The following LUZP2 variants were observed in gnomAD, a reference collection of about 807,000 sequenced individuals.
The protein encoded by LUZP2 is leucine zipper protein 2.
LUZP2 carries 52 observed loss-of-function variants against 51.6 expected under a neutral mutation model. The ratio of observed to expected loss-of-function variants is 1.01; its 90% confidence interval spans 0.81 to 1.27. The LOEUF (loss-of-function observed/expected upper bound fraction) is 1.27. LUZP2 is among the 50% of genes most tolerant of loss of function. The pLI, the probability that LUZP2 is intolerant of heterozygous loss-of-function variation, is 0.00. For missense variants in LUZP2, 436 were observed against 395.4 expected (o/e 1.10, Z -0.87); for synonymous variants, 154 against 137.3 (o/e 1.12, Z -0.85).
At chr11:24,773,407 C>G (rs888027250) in intron 5 of LUZP2, among the ~76,000 whole-genome samples, 10 of 151,966 alleles carry the variant, frequency 6.6e-5, no homozygotes, top group African/African-American at 2.4e-4. Flanking sequence ...GAATAGCAAA[C>G]GTTAAGTAGC....
At chr11:24,791,163 A>G (rs1010109992) in intron 5 of LUZP2, among the ~76,000 whole-genome samples, 2 of 152,002 alleles carry the variant, frequency 1.3e-5, no homozygotes, top group African/African-American at 4.8e-5. Flanking sequence ...TTTTTCTCAT[A>G]CCCCACGTTT....
At chr11:24,746,860 G>A (rs1284499370) in intron 4 of LUZP2, among the ~76,000 whole-genome samples, 3 of 152,108 alleles carry the variant, frequency 2.0e-5, no homozygotes, top group Non-Finnish European at 4.4e-5. Flanking sequence ...ACTTTCCAGA[G>A]CATTTGCATT....
intron 1 of LUZP2, among the ~76,000 whole-genome samples, chr11:24,569,404 T>C (rs1237126501): frequency 6.6e-6 from 1 of 152,080 alleles, no homozygotes; most frequent in African/African-American, 2.4e-5. Context: ...ATCACACAAA[T>C]ACCTTTTAAA....
chr11:24,962,273 G>T (rs1221382451), intron 7 of LUZP2, among the ~76,000 whole-genome samples: 1 of 152,100 alleles, frequency 6.6e-6, no homozygotes, highest in East Asian at 1.9e-4. Context: ...CTACTTCTTT[G>T]TGGCATTCTC....
At chr11:24,863,269 T>G (rs1657982927) in intron 5 of LUZP2, among the ~76,000 whole-genome samples, 1 of 152,170 alleles carries the variant, frequency 6.6e-6, no homozygotes, top group Non-Finnish European at 1.5e-5. Flanking sequence ...CATGGTGGCA[T>G]TTTTCAAAAT....
At chr11:24,745,344 G>A (rs1041847241) in intron 4 of LUZP2, among the ~76,000 whole-genome samples, 7 of 151,932 alleles carry the variant, frequency 4.6e-5, no homozygotes, top group African/African-American at 1.5e-4. Flanking sequence ...TGTTTTTCTC[G>A]TTTGTTAGGT....
chr11:25,003,988 A>G (rs1378625403), intron 9 of LUZP2, among the ~76,000 whole-genome samples: 1 of 152,188 alleles, frequency 6.6e-6, no homozygotes, highest in Non-Finnish European at 1.5e-5. Flanking sequence ...ATGGTAACGG[A>G]CCTTGAAGAC....
intron 5 of LUZP2, among the ~76,000 whole-genome samples, chr11:24,898,852 C>G (rs1853174589): frequency 6.6e-6 from 1 of 151,866 alleles, no homozygotes. Context: ...CAAATGAAGG[C>G]AGAATAGTAC....
At chr11:24,547,898 C>G (rs11028003) in intron 1 of LUZP2, among the ~76,000 whole-genome samples, 63,686 of 151,838 alleles carry the variant, frequency 0.42, 13,862 homozygotes, top group African/African-American at 0.51. Context: ...AAAAAATGGA[C>G]AGACACTTCT....
At chr11:25,044,739 G>A (rs540547498) in intron 9 of LUZP2, among the ~76,000 whole-genome samples, 1 of 151,814 alleles carries the variant, frequency 6.6e-6, no homozygotes, top group South Asian at 2.1e-4. Flanking sequence ...AAAACATGCT[G>A]CTGTAAAGAC....
intron 1 of LUZP2, among the ~76,000 whole-genome samples, chr11:24,618,186 C>T (rs960417746): frequency 1.3e-5 from 2 of 152,018 alleles, no homozygotes; most frequent in African/African-American, 4.8e-5. Context: ...ATGAAAGTCC[C>T]GAATCTCCAC....
chr11:24,773,675 C>G (rs1226545546), intron 5 of LUZP2, among the ~76,000 whole-genome samples: 1 of 152,086 alleles, frequency 6.6e-6, no homozygotes, highest in Non-Finnish European at 1.5e-5. Context: ...TGCACATGTT[C>G]TGTGGTTGTA....
At chr11:24,898,262 G>GC (rs1435062446) in intron 5 of LUZP2, among the ~76,000 whole-genome samples, 1 of 152,070 alleles carries the variant, frequency 6.6e-6, no homozygotes, top group African/African-American at 2.4e-5. Context: ...AAAAAATCAG[G>GC]TAAGTATGTC....
At chr11:24,667,640 G>A (rs1856261649) in intron 1 of LUZP2, among the ~76,000 whole-genome samples, 1 of 152,148 alleles carries the variant, frequency 6.6e-6, no homozygotes, top group African/African-American at 2.4e-5. Flanking sequence ...TTCTGACTTG[G>A]AATTCAGATT....
At chr11:24,945,519 T>G (rs1270128834) in intron 7 of LUZP2, among the ~76,000 whole-genome samples, 21 of 36,734 alleles carry the variant, frequency 5.7e-4, no homozygotes, top group African/African-American at 2.3e-3. Flanking sequence ...ATTTGCCTGT[T>G]TTTTTTTTTT....
At chr11:25,056,278 A>G (rs1465358707) in intron 10 of LUZP2, among the ~76,000 whole-genome samples, 2 of 152,128 alleles carry the variant, frequency 1.3e-5, no homozygotes, top group African/African-American at 4.8e-5. Context: ...CGGAAGTACT[A>G]TAATATATAA....
intron 1 of LUZP2, among the ~76,000 whole-genome samples, chr11:24,660,665 C>T (rs1490360247): frequency 6.6e-6 from 1 of 152,128 alleles, no homozygotes; most frequent in Non-Finnish European, 1.5e-5. Context: ...TTTGTGCAAA[C>T]TGTCAGAAAA....
At position 24,729,187 on chromosome 11, in the gene LUZP2, A is replaced by T. The variant is rs750436427; in HGVS notation, c.81A>T (p.Leu27=). Residue 27 remains leucine, a synonymous_variant, in exon 2 of 12, where the codon CTA becomes CTT. Coordinates refer to ENST00000336930, the MANE Select transcript of LUZP2 (RefSeq NM_001009909.4). ...GTGTTAGACAGGACTATGAAGAGCT[A>T]GAAAAGCAGCTGAAAGAAGTCTTTA... ...VLSTRQDYEE[L]EKQLKEVFKE... 1 of 1,571,886 alleles carries T rather than the reference A, an allele frequency of 6.4e-7. No individual in the cohort carries two copies. The highest frequency in any genetic ancestry group is 1.4e-5 in the African/African-American group (1 of 73,768).
Position 24,708,840 on chromosome 11 carries a change from G to C in LUZP2, c.63-20329G>C, listed in dbSNP as rs185021799. The stretch of plus-strand genomic sequence containing the variant: ...TTCAGATGTAATTACCTAAAAGCCT[G>C]ACAGAGAATTAAAATTAAAAACCCT... On this transcript the variant is annotated intron_variant, in intron 1 of 11. Transcript: ENST00000336930. Among the ~76,000 whole-genome samples, 308 of 152,236 alleles carry C rather than the reference G, an allele frequency of 2.0e-3. 2 individuals are homozygous for C. The highest frequency in any genetic ancestry group is 7.0e-3 in the African/African-American group (289 of 41,540).
Sources: gnomAD v4.1 joint callset for allele counts (sites outside exome capture counted in the v4.1 genomes callset) on GRCh38, gnomAD v4.1.1 for gene constraint, MANE v1.5 for transcripts, NCBI Gene and HGNC (gene_info 2026-07-23, HGNC 2026-07-21) for gene names.